Variants in LIN9 observed in about 807,000 individuals in gnomAD.
LIN9 encodes the protein protein lin-9 homolog.
Under a neutral mutation model 78.0 loss-of-function variants are expected in LIN9, and 18 were observed. The ratio of observed to expected loss-of-function variants is 0.23; its 90% CI spans 0.16 to 0.34. LIN9 has a LOEUF of 0.34. LIN9 is among the 10% of genes least tolerant of loss of function. LIN9 has a pLI of 1.00. For synonymous variants in LIN9, 192 were observed against 215.2 expected, an observed-to-expected ratio of 0.89 and a Z score of 0.94; for missense variants, 451 against 644.1, an observed-to-expected ratio of 0.70 and a Z score of 3.25.
At chr1:226,276,760 C>G (rs1660691665) in intron 7 of LIN9, among the ~76,000 whole-genome samples, 1 of 152,114 alleles carries the variant, frequency 6.6e-6, no homozygotes, top group African/African-American at 2.4e-5. Flanking sequence ...TCTTGTATTA[C>G]ATATATTGTA....
rs116557728 is a variant in LIN9 at position 226,283,593 on chromosome 1, G to A, written c.524+2740C>T. Among the ~76,000 whole-genome samples, 1,092 of 152,050 alleles carry A rather than the reference G, an allele frequency of 7.2e-3. 10 individuals carry two copies. The highest frequency in any genetic ancestry group is 0.025 in the African/African-American group (1,040 of 41,464). Reference sequence around the variant, plus strand: ...GCTTTTGTTTTTGGCCATGTAAAACGTTCTTATTTTTGTATAGCCAAATTT... The same window carrying A: ...GCTTTTGTTTTTGGCCATGTAAAACATTCTTATTTTTGTATAGCCAAATTT... On this transcript the variant is annotated intron_variant, in intron 6 of 14. Transcript: ENST00000681046.
At chr1:226,236,314 AC>A (rs1252376516) in intron 12 of LIN9, among the ~76,000 whole-genome samples, 1 of 151,060 alleles carries the variant, frequency 6.6e-6, no homozygotes, top group Admixed American at 6.7e-5. Context: ...AATGCCCCAG[AC>A]CCCCTGATAA....
At chr1:226,275,756 G>A (rs528573465) in intron 7 of LIN9, among the ~76,000 whole-genome samples, 4 of 149,018 alleles carry the variant, frequency 2.7e-5, no homozygotes, top group South Asian at 2.1e-4. Flanking sequence ...AGCGGCTCAC[G>A]CCTGTAATCC....
At chr1:226,304,648 A>C (rs1662786714) in intron 1 of LIN9, among the ~76,000 whole-genome samples, 1 of 152,160 alleles carries the variant, frequency 6.6e-6, no homozygotes, top group African/African-American at 2.4e-5. Flanking sequence ...GCTGTGAGAG[A>C]GCAGGAAATC....
At chr1:226,270,824 C>CCA (rs1660224931) in intron 7 of LIN9, among the ~76,000 whole-genome samples, 1 of 22,170 alleles carries the variant, frequency 4.5e-5, no homozygotes, top group African/African-American at 1.0e-4. Flanking sequence ...GACTCTGTCT[C>CCA]AAAAAAAAAA....
rs1660604671 is a variant in LIN9, at chr1:226,275,691, CAGA to C, written c.682+2081_682+2083del. On this transcript the variant is annotated intron_variant, in intron 7 of 14. Coordinates refer to ENST00000681046, the MANE Select transcript of LIN9 (RefSeq NM_001366245.2). Reference sequence around the variant, plus strand: ...CTGGCAACAGAGCAAGACTCCGTCTCAGAAAAAAAAAAAAAAAAAAAGAAAAAA... The same window carrying C: ...CTGGCAACAGAGCAAGACTCCGTCTCAAAAAAAAAAAAAAAAAAGAAAAAA... Among the ~76,000 whole-genome samples the C allele has an allele frequency of 9.2e-5, 4 of 43,436 alleles. 1 individual carries two copies. Among genetic ancestry groups the C allele is most frequent in the Admixed American group, 3.1e-4 (1 of 3,232 alleles). 28.5% of individuals were successfully genotyped at this position (43,436 alleles called of 152,430 possible). A position where few individuals can be genotyped will look rare whatever the true frequency, so the allele number is the denominator to read the frequency against.
At chr1:226,305,754 A>G (rs1662874458) in intron 1 of LIN9, among the ~76,000 whole-genome samples, 1 of 152,160 alleles carries the variant, frequency 6.6e-6, no homozygotes, top group African/African-American at 2.4e-5. Flanking sequence ...GTGGTAAAAC[A>G]TAAAGCTGAG....
At chr1:226,284,548 A>T (rs1661277749) in intron 6 of LIN9, among the ~76,000 whole-genome samples, 5 of 152,138 alleles carry the variant, frequency 3.3e-5, no homozygotes, top group Admixed American at 3.3e-4. Context: ...ACATGGCAAA[A>T]CCTTGTCTCT....
At chr1:226,273,113 T>C (rs887186541) in intron 7 of LIN9, among the ~76,000 whole-genome samples, 10 of 152,022 alleles carry the variant, frequency 6.6e-5, no homozygotes, top group African/African-American at 2.4e-4. Flanking sequence ...TTGGCAGAAG[T>C]GTTTATAGTT....
At position 226,233,430 on chromosome 1, in the gene LIN9, T is replaced by C. The variant is rs1402874929; in HGVS notation, c.1339A>G (p.Asn447Asp). ...EEAQEIVRHA[N>D]SSTGQPCVEN... ...ACGCAGGGCTGTCCTGTTGAGGAATTTGCATGCCGAACAATTTCCTGTGCT... is the reference window on the plus strand; with the variant it reads ...ACGCAGGGCTGTCCTGTTGAGGAATCTGCATGCCGAACAATTTCCTGTGCT... The change falls in exon 13 of 15, where the codon AAT becomes GAT. Residue 447 changes from asparagine to aspartate, a missense_variant. Transcript: ENST00000681046. 4 of 1,614,150 alleles carry C rather than the reference T, an allele frequency of 2.5e-6. No homozygotes were observed. The highest frequency in any genetic ancestry group is 1.1e-5 in the South Asian group (1 of 91,080).
chr1:226,301,855 G>A (rs1191929773), intron 1 of LIN9, among the ~76,000 whole-genome samples: 1 of 152,128 alleles, frequency 6.6e-6, no homozygotes, highest in Non-Finnish European at 1.5e-5. Context: ...GCTAGCTTGA[G>A]GCCAGGAGTC....
chr1:226,287,538 C>G (rs1253033909), intron 5 of LIN9, 126 bp downstream of exon 5: 9 of 614,272 alleles, frequency 1.5e-5, no homozygotes, highest in African/African-American at 1.2e-4. Context: ...GAATGTGGAA[C>G]AGAAAAATGA....
intron 10 of LIN9, among the ~76,000 whole-genome samples, chr1:226,255,954 T>A (rs951874510): frequency 2.6e-5 from 4 of 152,040 alleles, no homozygotes; most frequent in Admixed American, 2.0e-4. Context: ...ATATAATGAA[T>A]GAGAATTTCC....
In LIN9 at chr1:226,233,535, T is replaced by C. The variant is rs373366073; in HGVS notation, c.1246-12A>G. 18 of 1,591,928 alleles carry C rather than the reference T, an allele frequency of 1.1e-5. No individual in the cohort carries two copies. The highest frequency in any genetic ancestry group is 3.3e-4 in the Middle Eastern group (2 of 5,980). On this transcript the variant is annotated splice_polypyrimidine_tract_variant and intron_variant, in intron 12 of 14. Transcript: ENST00000681046. ...TGGTCTGGAGCAAGCTGAATACAGA[T>C]GATTGAAGCATGAGACGCATGTTCG...
intron 12 of LIN9, among the ~76,000 whole-genome samples, chr1:226,237,632 C>CA (rs1167453006): frequency 0.34 from 19,326 of 57,272 alleles, 2,925 homozygotes; most frequent in Non-Finnish European, 0.42. Context: ...AACTCTGTCT[C>CA]AAAAAAAAAA....
chr1:226,257,056 C>T (rs529958937), intron 10 of LIN9, among the ~76,000 whole-genome samples: 23 of 151,728 alleles, frequency 1.5e-4, no homozygotes, highest in Non-Finnish European at 2.8e-4. Context: ...CAGGTCCAAG[C>T]GATTCTCGTG....
chr1:226,270,949 C>G (rs1292734841), intron 7 of LIN9, among the ~76,000 whole-genome samples: 1 of 149,092 alleles, frequency 6.7e-6, no homozygotes, highest in East Asian at 2.0e-4. Flanking sequence ...TTTCCATTTA[C>G]TCCTTTAGAT....
intron 4 of LIN9, among the ~76,000 whole-genome samples, chr1:226,290,541 C>T (rs1326697636): frequency 1.3e-5 from 2 of 151,748 alleles, no homozygotes; most frequent in African/African-American, 2.4e-5. Context: ...GGGGTTTCAC[C>T]GTGTTAGCCA....
intron 1 of LIN9, among the ~76,000 whole-genome samples, chr1:226,305,235 T>C (rs1280597835): frequency 1.4e-5 from 2 of 137,964 alleles, no homozygotes; most frequent in African/African-American, 5.5e-5. Flanking sequence ...TTTGGAAGGC[T>C]AAGGCAGGAG....
Sources: gnomAD v4.1 joint callset for allele counts (sites outside exome capture counted in the v4.1 genomes callset) on GRCh38, gnomAD v4.1.1 for gene constraint, MANE v1.5 for transcripts, NCBI Gene and HGNC (gene_info 2026-07-23, HGNC 2026-07-21) for gene names.